Variants in NRIP1 observed in about 807,000 individuals in gnomAD.
The protein encoded by NRIP1 is nuclear receptor-interacting protein 1.
NRIP1 carries 28 observed loss-of-function variants against 75.0 expected under a neutral mutation model. The observed-to-expected ratio is 0.37, with a 90% confidence interval of 0.28 to 0.51. NRIP1 has a LOEUF of 0.51. Ranked by LOEUF, NRIP1 falls within the 20% of genes least tolerant of loss-of-function variation. The pLI is 0.92. For missense variants in NRIP1, 1,435 were observed against 1,343.7 expected (o/e 1.07, Z -1.06); for synonymous variants, 526 against 487.6 (o/e 1.08, Z -1.04).
chr21:14,985,484 C>A (rs2087372302), intron 3 of NRIP1, among the ~76,000 whole-genome samples: 2 of 152,254 alleles, frequency 1.3e-5, no homozygotes, highest in African/African-American at 2.4e-5. Context: ...AGCTATCTAT[C>A]ATCTATCATC....
chr21:15,022,665 A>G (rs1318206011), intron 2 of NRIP1, among the ~76,000 whole-genome samples: 1 of 152,236 alleles, frequency 6.6e-6, no homozygotes, highest in Non-Finnish European at 1.5e-5. Context: ...GGAGAATGCA[A>G]AAGTAGAATT....
intron 1 of NRIP1, among the ~76,000 whole-genome samples, chr21:15,064,457 G>A (rs958328943): frequency 3.3e-5 from 5 of 152,072 alleles, no homozygotes; most frequent in Admixed American, 2.0e-4. Flanking sequence ...GCCCCGCTCA[G>A]GGGCCACGCG....
intron 2 of NRIP1, among the ~76,000 whole-genome samples, chr21:15,033,403 G>GT (rs1041531780): frequency 2.6e-5 from 4 of 152,110 alleles, no homozygotes; most frequent in African/African-American, 9.7e-5. Context: ...ACAATAGTAA[G>GT]TAAGTGGCAG....
intron 2 of NRIP1, among the ~76,000 whole-genome samples, chr21:15,041,826 A>G (rs939814885): frequency 6.6e-6 from 1 of 152,310 alleles, no homozygotes; most frequent in Admixed American, 6.5e-5. Flanking sequence ...TGAATTCCAT[A>G]AAATCCAGTT....
Position 14,966,385 on chromosome 21 carries a change from G to T in NRIP1, c.1808C>A (p.Thr603Lys), listed in dbSNP as rs777429227. 1.9e-6 allele frequency: 3 copies of T among 1,614,002 alleles called. No homozygotes were observed. In the African/African-American group the frequency reaches 4.0e-5, roughly 22 times the overall value. The change falls in exon 4 of 4, where the codon ACA (threonine) becomes AAA (lysine). Residue 603 changes from threonine to lysine, a missense_variant. Physicochemically the swap from Thr to Lys is moderately conservative, Grantham distance 78. Transcript: ENST00000318948. ...NTASNHSMDL[T>K]KSKDPPGEKP... is the part of the protein sequence containing the mutation. Reference sequence around the variant, plus strand: ...CTCTCCTGGTGGGTCTTTGCTTTTTGTAAGGTCCATTGAGTGGTTAGATGC... The same window carrying T: ...CTCTCCTGGTGGGTCTTTGCTTTTTTTAAGGTCCATTGAGTGGTTAGATGC...
intron 1 of NRIP1, among the ~76,000 whole-genome samples, chr21:15,061,901 G>A (rs1242235838): frequency 6.6e-6 from 1 of 152,166 alleles, no homozygotes; most frequent in African/African-American, 2.4e-5. Flanking sequence ...CTAGAGTCAA[G>A]GATGGCATAT....
At chr21:15,046,840 C>T (rs532833917) in intron 1 of NRIP1, among the ~76,000 whole-genome samples, 6 of 152,318 alleles carry the variant, frequency 3.9e-5, no homozygotes, top group African/African-American at 1.4e-4. Context: ...ATCCAGGCAG[C>T]TTCTATCCTT....
intron 3 of NRIP1, among the ~76,000 whole-genome samples, chr21:14,982,325 G>A (rs2087259186): frequency 6.6e-6 from 1 of 152,118 alleles, no homozygotes; most frequent in Non-Finnish European, 1.5e-5. Flanking sequence ...TAAGACAGCA[G>A]GGGAGAAACA....
At chr21:15,031,071 G>T (rs1209729271) in intron 2 of NRIP1, among the ~76,000 whole-genome samples, 2 of 46,302 alleles carry the variant, frequency 4.3e-5, no homozygotes. Context: ...CTTTCTATGT[G>T]TGTACACTCT....
intron 2 of NRIP1, among the ~76,000 whole-genome samples, chr21:15,043,086 C>T (rs984899651): frequency 6.6e-6 from 1 of 152,170 alleles, no homozygotes; most frequent in Admixed American, 6.5e-5. Flanking sequence ...GGCAGCTGAT[C>T]CCTACACTAG....
At position 14,965,945 on chromosome 21, in the gene NRIP1, T is replaced by G. The variant is rs1281692099; in HGVS notation, c.2248A>C (p.Ile750Leu). ...EHSERALSEQ[I>L]LMVKIKSEPC... ...TCAGATTTTATTTTCACCATCAGTA[T>G]TTGTTCACTTAAAGCTCTCTCTGAG... The change falls in exon 4 of 4, where the codon ATA (isoleucine) becomes CTA (leucine). Residue 750 changes from isoleucine to leucine, a missense_variant. Coordinates refer to ENST00000318948, the MANE Select transcript of NRIP1 (RefSeq NM_003489.4). 1.2e-6 allele frequency: 2 copies of G among 1,613,994 alleles called. No individual in the cohort carries two copies. The highest frequency in any genetic ancestry group is 4.5e-5 in the East Asian group (2 of 44,886).
chr21:14,988,564 T>G (rs1020677369), intron 3 of NRIP1, among the ~76,000 whole-genome samples: 1 of 151,936 alleles, frequency 6.6e-6, no homozygotes, highest in Admixed American at 6.6e-5. Context: ...AGCATTTGGA[T>G]CTGTAAAATA....
rs1039370786 is a variant in NRIP1 at position 14,963,771 on chromosome 21, G to A, written c.*945C>T. On this transcript the variant is annotated 3_prime_UTR_variant, in exon 4 of 4. Coordinates refer to ENST00000318948, the MANE Select transcript of NRIP1 (RefSeq NM_003489.4). ...TGCTCCAGATGGTTCTAATGCAAGT[G>A]GTCTGAGTTCAGGTTTAAGGAATCC... 4.6e-5 allele frequency: 7 copies of A among 152,020 alleles called. No individual in the cohort carries two copies. Among genetic ancestry groups the A allele is most frequent in the African/African-American group, 1.4e-4 (6 of 41,392 alleles). The allele number at this position is 152,020 out of a possible 1,614,324, so 9.4% of individuals were successfully genotyped here. A position where few individuals can be genotyped will look rare whatever the true frequency, so the allele number is the denominator to read the frequency against.
intron 2 of NRIP1, among the ~76,000 whole-genome samples, chr21:15,034,644 A>G (rs540708229): frequency 8.7e-4 from 132 of 152,326 alleles, no homozygotes; most frequent in African/African-American, 3.1e-3. Context: ...TCCAACAAAC[A>G]TAATACACAA....
chr21:14,971,633 ACTT>A (rs752903159), intron 3 of NRIP1: 44 of 152,318 alleles, frequency 2.9e-4, no homozygotes, highest in African/African-American at 1.0e-3. Context: ...TCCTCATGCT[ACTT>A]CTTTTCACAT....
intron 3 of NRIP1, among the ~76,000 whole-genome samples, chr21:14,987,365 T>C (rs556337965): frequency 1.8e-4 from 27 of 152,180 alleles, no homozygotes; most frequent in African/African-American, 6.0e-4. Flanking sequence ...TGAGCTATAA[T>C]CTGTTGAGTT....
intron 1 of NRIP1, among the ~76,000 whole-genome samples, chr21:15,044,837 A>C (rs941769585): frequency 6.6e-6 from 1 of 152,090 alleles, no homozygotes; most frequent in East Asian, 1.9e-4. Context: ...TATCTTGCTT[A>C]TTGTTATTCT....
intron 3 of NRIP1, 91 bp from the exon 4 acceptor site, chr21:14,968,617 GTATA>G (rs1184908407): frequency 1.3e-5 from 2 of 159,252 alleles, no homozygotes; most frequent in South Asian, 3.7e-4. Flanking sequence ...ATCTGTAAAT[GTATA>G]TATATATTAC....
chr21:14,992,090 T>G (rs2087588443), intron 3 of NRIP1: 1 of 152,454 alleles, frequency 6.6e-6, no homozygotes, highest in East Asian at 1.9e-4. Flanking sequence ...CAGGCCTGAG[T>G]GTGGTGGTGT....
Sources: allele counts gnomAD v4.1 joint callset (sites outside exome capture counted in the v4.1 genomes callset), GRCh38; gene constraint gnomAD v4.1.1; transcripts MANE v1.5; gene names NCBI Gene and HGNC (gene_info 2026-07-23, HGNC 2026-07-21).